PRKACB: variants seen among roughly 807,000 people sequenced by gnomAD.
PRKACB encodes protein kinase cAMP-activated catalytic subunit beta.
PRKACB carries 16 observed loss-of-function variants against 51.4 expected under a neutral mutation model. The ratio of observed to expected loss-of-function variants is 0.31; its 90% CI spans 0.21 to 0.47. PRKACB has a LOEUF of 0.47. Among genes scored for constraint, PRKACB ranks in the 20% least tolerant of loss-of-function variants. The pLI, the probability that PRKACB is intolerant of heterozygous loss-of-function variation, is 1.00. For synonymous variants in PRKACB, 147 were observed against 154.4 expected, an observed-to-expected ratio of 0.95 and a Z score of 0.35; for missense variants, 309 against 464.5, an observed-to-expected ratio of 0.67 and a Z score of 3.08.
At chr1:84,094,449 G>T (rs1458449386) in intron 1 of PRKACB, among the ~76,000 whole-genome samples, 2 of 151,848 alleles carry the variant, frequency 1.3e-5, no homozygotes, top group African/African-American at 4.8e-5. Context: ...AAATGTCTCA[G>T]TGTGTTTTCT....
chr1:84,212,907 G>A (rs1004340846), intron 8 of PRKACB, among the ~76,000 whole-genome samples: 9 of 152,040 alleles, frequency 5.9e-5, no homozygotes, highest in Non-Finnish European at 1.3e-4. Context: ...AGAGCCTGGG[G>A]GAGACAGAAA....
chr1:84,089,066 CTT>C (rs1049449083), intron 1 of PRKACB, among the ~76,000 whole-genome samples: 1 of 152,102 alleles, frequency 6.6e-6, no homozygotes, highest in African/African-American at 2.4e-5. Context: ...TTTTTCAACT[CTT>C]ATACCCACTA....
At chr1:84,200,503 C>T (rs1407815025) in intron 7 of PRKACB, among the ~76,000 whole-genome samples, 1 of 152,146 alleles carries the variant, frequency 6.6e-6, no homozygotes, top group Non-Finnish European at 1.5e-5. Flanking sequence ...TCCCACTTGA[C>T]AGTGTTTGCT....
intron 2 of PRKACB, chr1:84,181,802 G>T (rs1663587976): frequency 2.8e-6 from 3 of 1,084,726 alleles, no homozygotes; most frequent in Non-Finnish European, 3.8e-6. Context: ...CATTAAGTCT[G>T]TATGGCTTCT....
At chr1:84,140,364 T>C (rs1242524856), upstream of PRKACB, among the ~76,000 whole-genome samples, 2 of 152,214 alleles carry the variant, frequency 1.3e-5, no homozygotes, top group African/African-American at 4.8e-5. Context: ...ATTGCCATAC[T>C]ATACTAAATG....
In PRKACB at chr1:84,236,194, C is replaced by T. The variant is rs1308819103; in HGVS notation, c.*889C>T. The stretch of plus-strand genomic sequence containing the variant: ...AATAGAACATGATTAATGAAAGTGA[C>T]AAATTTTAAATTTTCTCTAATAGTC... On this transcript the variant is annotated 3_prime_UTR_variant, in exon 10 of 10. Coordinates refer to ENST00000370685, the MANE Select transcript of PRKACB (RefSeq NM_182948.4). 1.3e-5 allele frequency: 2 copies of T among 152,516 alleles called. No individual in the cohort carries two copies. The highest frequency in any genetic ancestry group is 1.3e-4 in the Admixed American group (2 of 15,264). The allele number at this position is 152,516 out of a possible 1,614,324, so 9.4% of individuals were successfully genotyped here. A position where few individuals can be genotyped will look rare whatever the true frequency, so the allele number is the denominator to read the frequency against.
rs541383583 is a variant in PRKACB, at chr1:84,134,227, T to A, written c.47-44950T>A. 2.0e-5 allele frequency among the ~76,000 whole-genome samples: 3 copies of A among 152,220 alleles called. No individual in the cohort carries two copies. In the South Asian group the frequency reaches 6.2e-4, roughly 32 times the overall value. ...GCTGGGTCAGGGGTTTTTATGGGTA[T>A]AGGATTTGGGGCAGGGCAGGCCATG... On this transcript the variant is annotated intron_variant, in intron 1 of 8. Coordinates refer to the PRKACB transcript ENST00000370688.
At chr1:84,135,221 A>G (rs1387176025) in intron 1 of PRKACB, among the ~76,000 whole-genome samples, 5 of 152,180 alleles carry the variant, frequency 3.3e-5, no homozygotes, top group African/African-American at 1.2e-4. Flanking sequence ...CAATTCTCCA[A>G]AAAGTCTTAT....
At chr1:84,087,787 T>C (rs1025153020) in intron 1 of PRKACB, among the ~76,000 whole-genome samples, 1 of 152,226 alleles carries the variant, frequency 6.6e-6, no homozygotes, top group African/African-American at 2.4e-5. Flanking sequence ...TAAGGTTTAC[T>C]ACTATTATGC....
chr1:84,204,995 G>A, intron 8 of PRKACB: 2 of 983,490 alleles, frequency 2.0e-6, no homozygotes, highest in African/African-American at 3.5e-5. Context: ...AATCATAACA[G>A]TCTAAATCCT....
intron 1 of PRKACB, among the ~76,000 whole-genome samples, chr1:84,138,255 G>A (rs1322813629): frequency 6.6e-6 from 1 of 152,054 alleles, no homozygotes; most frequent in Non-Finnish European, 1.5e-5. Flanking sequence ...CAGTGATGGA[G>A]GTATATCAAA....
intron 7 of PRKACB, 103 bp downstream of exon 7, chr1:84,197,927 T>A: frequency 1.3e-6 from 1 of 766,256 alleles, no homozygotes; most frequent in Non-Finnish European, 2.0e-6. Context: ...ATTTTTAATT[T>A]GATCTAAGTT....
chr1:84,223,105 T>G (rs2101635902), intron 9 of PRKACB, among the ~76,000 whole-genome samples: 1 of 152,318 alleles, frequency 6.6e-6, no homozygotes, highest in Non-Finnish European at 1.5e-5. Context: ...TGAGTTTTTC[T>G]ATGTCATTAC....
At chr1:84,116,192 A>T (rs149227029) in intron 1 of PRKACB, among the ~76,000 whole-genome samples, 10 of 152,152 alleles carry the variant, frequency 6.6e-5, no homozygotes, top group African/African-American at 1.9e-4. Flanking sequence ...TTCTCTATTT[A>T]GTTCCATTAT....
chr1:84,177,504 G>C (rs1661700024), intron 1 of PRKACB, among the ~76,000 whole-genome samples: 1 of 152,048 alleles, frequency 6.6e-6, no homozygotes, highest in African/African-American at 2.4e-5. Context: ...ACTTTGGGAG[G>C]CTGAGCCAGA....
chr1:84,193,047 A>G (rs898232378), intron 5 of PRKACB, among the ~76,000 whole-genome samples: 3 of 152,110 alleles, frequency 2.0e-5, no homozygotes, highest in Admixed American at 6.6e-5. Context: ...TCCAAACCTC[A>G]AAACTGAGGT....
Position 84,096,688 on chromosome 1 carries a change from G to GT in PRKACB, c.46+18325dup, listed in dbSNP as rs530399790. Among the ~76,000 whole-genome samples the GT allele has an allele frequency of 2.2e-3, 336 of 151,930 alleles. 1 individual carries two copies. Among genetic ancestry groups the GT allele is most frequent in the Middle Eastern group, 0.02 (6 of 294 alleles). ...CAATATTTATGTTATTTTAACAAGA[G>GT]TTTTTTTTATATATCACTTTATTGA... On this transcript the variant is annotated intron_variant, in intron 1 of 8. Coordinates refer to the PRKACB transcript ENST00000370688.
At chr1:84,174,154 G>A (rs1178297864) in intron 1 of PRKACB, among the ~76,000 whole-genome samples, 1 of 151,754 alleles carries the variant, frequency 6.6e-6, no homozygotes, top group Non-Finnish European at 1.5e-5. Flanking sequence ...GCTTGCCTGT[G>A]CACTTCATCT....
At chr1:84,153,797 C>T (rs763677762) in intron 1 of PRKACB, among the ~76,000 whole-genome samples, 2 of 152,094 alleles carry the variant, frequency 1.3e-5, no homozygotes, top group African/African-American at 4.8e-5. Context: ...TACCATACGT[C>T]GATGCCATAT....
Sources: gnomAD v4.1 joint callset for allele counts (sites outside exome capture counted in the v4.1 genomes callset) on GRCh38, gnomAD v4.1.1 for gene constraint, MANE v1.5 for transcripts, NCBI Gene and HGNC (gene_info 2026-07-23, HGNC 2026-07-21) for gene names.